TPRG1: variants seen among roughly 807,000 people sequenced by gnomAD.
The protein encoded by TPRG1 is tumor protein p63-regulated gene 1 protein.
A neutral mutation model predicts 29.3 loss-of-function variants in TPRG1; 29 were observed. That is an observed-to-expected ratio of 0.99 (90% CI 0.74 to 1.35). The LOEUF (loss-of-function observed/expected upper bound fraction) is 1.35. Among genes scored for constraint, TPRG1 ranks in the 40% most tolerant of loss-of-function variants. The probability of loss-of-function intolerance (pLI) is 0.00; values close to 1 mark genes in which losing one functional copy is unlikely to be tolerated. For synonymous variants in TPRG1, 130 were observed against 116.8 expected (o/e 1.11, Z -0.73); for missense variants, 327 against 335.0 (o/e 0.98, Z 0.19).
chr3:189,316,306 A>T lies in TPRG1; in HGVS notation c.634-4320A>T, dbSNP rs892425039. ...ATAATTCCAGGAAAAATGTGCAAAGATGATATATACAGTCTGTCCAGCAGT... is the reference window on the plus strand; with the variant it reads ...ATAATTCCAGGAAAAATGTGCAAAGTTGATATATACAGTCTGTCCAGCAGT... On this transcript the variant is annotated intron_variant, in intron 5 of 5. Transcript: ENST00000345063. Among the ~76,000 whole-genome samples the T allele has an allele frequency of 2.6e-5, 4 of 152,232 alleles. No individual in the cohort carries two copies. In the East Asian group the frequency reaches 5.8e-4, roughly 22 times the overall value.
intron 5 of TPRG1, among the ~76,000 whole-genome samples, chr3:189,163,207 A>G (rs1452971725): frequency 1.3e-5 from 2 of 152,196 alleles, no homozygotes; most frequent in African/African-American, 2.4e-5. Flanking sequence ...CAGGAGGTGG[A>G]GGGTGCAGCG....
chr3:189,152,097 A>G (rs1726012504), intron 5 of TPRG1, among the ~76,000 whole-genome samples: 2 of 152,098 alleles, frequency 1.3e-5, no homozygotes, highest in South Asian at 4.1e-4. Context: ...CTAGAGCACA[A>G]GGCTCTTATT....
chr3:189,100,928 A>G (rs1256626205), intron 1 of TPRG1, among the ~76,000 whole-genome samples: 1 of 152,204 alleles, frequency 6.6e-6, no homozygotes, highest in East Asian at 1.9e-4. Flanking sequence ...TTTTCACAAC[A>G]TACTATTTGG....
chr3:189,147,356 G>A (rs1010888538), intron 3 of TPRG1, among the ~76,000 whole-genome samples: 33 of 152,204 alleles, frequency 2.2e-4, no homozygotes, highest in Non-Finnish European at 1.8e-4. Flanking sequence ...TAGAGGACCT[G>A]GAGCATTGTG....
At chr3:189,017,325 C>G (rs1712996684) in intron 3 of TPRG1, among the ~76,000 whole-genome samples, 1 of 151,910 alleles carries the variant, frequency 6.6e-6, no homozygotes, top group African/African-American at 2.4e-5. Flanking sequence ...GTGCACTGCC[C>G]CCACTAACTC....
intron 3 of TPRG1, among the ~76,000 whole-genome samples, chr3:189,138,307 T>C (rs1486839402): frequency 2.0e-5 from 3 of 152,168 alleles, no homozygotes; most frequent in African/African-American, 7.2e-5. Context: ...ACACTGGTTG[T>C]TTTTCTGGTA....
chr3:189,047,278 T>C (rs1715037768), intron 4 of TPRG1, among the ~76,000 whole-genome samples: 1 of 152,216 alleles, frequency 6.6e-6, no homozygotes, highest in African/African-American at 2.4e-5. Context: ...TTTTTGGTTT[T>C]CCAGTGCATA....
chr3:189,308,001 C>T (rs539050517), intron 4 of TPRG1, among the ~76,000 whole-genome samples: 1 of 152,244 alleles, frequency 6.6e-6, no homozygotes, highest in African/African-American at 2.4e-5. Context: ...AATTCATACC[C>T]CAAGACTGCT....
At chr3:189,141,487 G>A (rs1020285374) in intron 3 of TPRG1, among the ~76,000 whole-genome samples, 4 of 152,104 alleles carry the variant, frequency 2.6e-5, no homozygotes, top group African/African-American at 9.7e-5. Flanking sequence ...ACAGGTTAAA[G>A]CCAATTAAGA....
intron 4 of TPRG1, among the ~76,000 whole-genome samples, chr3:189,244,236 C>T (rs1421225572): frequency 4.6e-5 from 7 of 152,052 alleles, no homozygotes; most frequent in Non-Finnish European, 1.5e-5. Flanking sequence ...TCGAGACCAC[C>T]CTAGCCAACA....
intron 4 of TPRG1, among the ~76,000 whole-genome samples, chr3:189,077,235 T>C (rs1257843217): frequency 6.6e-6 from 1 of 152,130 alleles, no homozygotes. Flanking sequence ...ATGTTTATGG[T>C]ATATTATTAA....
chr3:189,233,109 T>C (rs1738920873), intron 3 of TPRG1, among the ~76,000 whole-genome samples: 1 of 152,078 alleles, frequency 6.6e-6, no homozygotes, highest in Non-Finnish European at 1.5e-5. Flanking sequence ...AAGGTTGATT[T>C]GTAAATTAGG....
intron 1 of TPRG1, among the ~76,000 whole-genome samples, chr3:189,126,409 C>A (rs544562559): frequency 2.4e-3 from 358 of 152,204 alleles, no homozygotes; most frequent in African/African-American, 7.9e-3. Flanking sequence ...CTAGTTTTGC[C>A]ACTTATTAGC....
intron 3 of TPRG1, among the ~76,000 whole-genome samples, chr3:189,141,792 A>G (rs1724602134): frequency 6.6e-6 from 1 of 152,196 alleles, no homozygotes; most frequent in South Asian, 2.1e-4. Context: ...TTCATACACT[A>G]TATTTTTTAT....
upstream of TPRG1, among the ~76,000 whole-genome samples, chr3:189,099,557 A>T (rs1718938590): frequency 6.6e-6 from 1 of 151,764 alleles, no homozygotes; most frequent in African/African-American, 2.4e-5. Context: ...TTTGGGGAAA[A>T]GTTTCTGCGG....
At chr3:189,057,731 TC>T (rs903545717) in intron 4 of TPRG1, among the ~76,000 whole-genome samples, 1 of 148,198 alleles carries the variant, frequency 6.7e-6, no homozygotes, top group African/African-American at 2.5e-5. Context: ...GGTTCATATT[TC>T]TATTAGTATA....
chr3:189,070,411 C>A (rs1490078364), intron 4 of TPRG1, among the ~76,000 whole-genome samples: 1 of 149,752 alleles, frequency 6.7e-6, no homozygotes, highest in African/African-American at 2.5e-5. Flanking sequence ...AACACACACA[C>A]TCATGAATGT....
intron 4 of TPRG1, among the ~76,000 whole-genome samples, chr3:189,067,652 C>T (rs540624439): frequency 5.5e-4 from 84 of 152,154 alleles, no homozygotes; most frequent in African/African-American, 1.8e-3. Context: ...TATCTCTTCA[C>T]ATATGTAAAA....
intron 5 of TPRG1, among the ~76,000 whole-genome samples, chr3:189,159,997 A>G (rs959960064): frequency 3.4e-5 from 5 of 148,826 alleles, no homozygotes; most frequent in Admixed American, 2.7e-4. Flanking sequence ...ATCTCATAAT[A>G]AATCCTAAAA....
Sources: gnomAD v4.1 joint callset for allele counts (sites outside exome capture counted in the v4.1 genomes callset) on GRCh38, gnomAD v4.1.1 for gene constraint, MANE v1.5 for transcripts, NCBI Gene and HGNC (gene_info 2026-07-23, HGNC 2026-07-21) for gene names.